Variants in UMPS observed in about 807,000 individuals in gnomAD.
UMPS encodes the protein uridine monophosphate synthetase.
UMPS carries 21 observed loss-of-function variants against 38.9 expected under a neutral mutation model. The observed-to-expected ratio is 0.54, with a 90% CI of 0.38 to 0.78. The LOEUF is 0.78. Among genes scored for constraint, UMPS ranks in the 30% least tolerant of loss-of-function variants. The pLI is 0.00. For synonymous variants in UMPS, 208 were observed against 219.3 expected, an observed-to-expected ratio of 0.95 and a Z score of 0.45; for missense variants, 533 against 591.6, an observed-to-expected ratio of 0.90 and a Z score of 1.03.
At position 124,748,722 on chromosome 3, in the gene UMPS, G is replaced by C. The variant is rs900083389; in HGVS notation, c.*4638G>C. 1 of 442,314 alleles carries C rather than the reference G, an allele frequency of 2.3e-6. No individual in the cohort carries two copies. Among genetic ancestry groups the C allele is most frequent in the South Asian group, 1.6e-5 (1 of 62,278 alleles). The allele number at this position is 442,314 out of a possible 1,614,324, so 27.4% of individuals were successfully genotyped here. A position where few individuals can be genotyped will look rare whatever the true frequency, so the allele number is the denominator to read the frequency against. On this transcript the variant is annotated 3_prime_UTR_variant, in exon 6 of 6. Transcript: ENST00000232607. ...TGTTTTTCAGCGCTGGGGTTGGGGG[G>C]AGCCCAGGAGAGCAGGAAGATCCAG...
Position 124,737,874 on chromosome 3 carries a change from T to A in UMPS, c.617T>A (p.Phe206Tyr). Residue 206 changes from phenylalanine to tyrosine, a missense_variant, in exon 3 of 6, where the codon TTT becomes TAT. Coordinates refer to ENST00000232607, the MANE Select transcript of UMPS (RefSeq NM_000373.4). ...AAGAGGTTTATTCAGGAGAATGTCT[T>A]TGTGGCAGCGAATCATAATGGTTCT... ...RVKRFIQENV[F>Y]VAANHNGSPL... is the part of the protein sequence containing the mutation. The A allele has an allele frequency of 6.2e-7, 1 of 1,614,196 alleles. No individual in the cohort carries two copies. The highest frequency in any genetic ancestry group is 1.1e-5 in the South Asian group (1 of 91,078).
In UMPS at chr3:124,745,077, A is replaced by T. The variant is rs74704429; in HGVS notation, c.*993A>T. On this transcript the variant is annotated 3_prime_UTR_variant, in exon 6 of 6. Transcript: ENST00000232607. ...GCTTCCTGTGACTGACTTCACAATT[A>T]GGAGGTCTAAGATTCCATTTGGGTA... is the stretch of plus-strand genomic sequence containing the variant. 7,737 of 454,146 alleles carry T rather than the reference A, an allele frequency of 0.017. 118 individuals carry two copies. Among genetic ancestry groups the T allele is most frequent in the South Asian group, 0.028 (1,835 of 64,476 alleles). 28.1% of individuals were successfully genotyped at this position (454,146 alleles called of 1,614,324 possible). A position where few individuals can be genotyped will look rare whatever the true frequency, so the allele number is the denominator to read the frequency against.
intron 1 of UMPS, chr3:124,731,505 G>C (rs748175998): frequency 1.4e-4 from 62 of 437,686 alleles, no homozygotes; most frequent in South Asian, 9.9e-4. Flanking sequence ...TTATTTTTTA[G>C]ATGGGATCTC....
In UMPS at chr3:124,748,823, G is replaced by T. The variant is rs73858830; in HGVS notation, c.*4739G>T. On this transcript the variant is annotated 3_prime_UTR_variant, in exon 6 of 6. Coordinates refer to ENST00000232607, the MANE Select transcript of UMPS (RefSeq NM_000373.4). ...GGCCTGAGCTTCCTGTGGCTCCAGA[G>T]TAACATTATAGAGAAGCTGAATTCT... The T allele has an allele frequency of 5.3e-3, 2,150 of 402,932 alleles. 41 individuals are homozygous for T. Among genetic ancestry groups the T allele is most frequent in the African/African-American group, 0.041 (1,979 of 48,592 alleles). The allele number at this position is 402,932 out of a possible 1,614,324, so 25.0% of individuals were successfully genotyped here.
intron 1 of UMPS, chr3:124,732,654 T>C (rs1579125636): frequency 6.5e-6 from 1 of 154,718 alleles, no homozygotes; most frequent in South Asian, 2.0e-4. Flanking sequence ...GCTATCATAT[T>C]GGACTGCAAA....
At position 124,738,118 on chromosome 3, in the gene UMPS, G is replaced by T; in HGVS notation, c.861G>T (p.Leu287Phe). Residue 287 changes from leucine (L) to phenylalanine (F), a missense_variant, in exon 3 of 6, where the codon TTG becomes TTT. Physicochemically the swap from Leu to Phe is conservative, Grantham distance 22. Transcript: ENST00000232607. ...TGCTGAAGACTCATGTAGATATTTT[G>T]AATGATTTTACTCTGGATGTGATGA... ...ICMLKTHVDI[L>F]NDFTLDVMKE... 6.2e-7 allele frequency: 1 copy of T among 1,614,186 alleles called. No individual in the cohort carries two copies. The highest frequency in any genetic ancestry group is 1.1e-5 in the South Asian group (1 of 91,078).
At chr3:124,732,801 A>G (rs553167993) in intron 1 of UMPS, among the ~76,000 whole-genome samples, 14 of 152,338 alleles carry the variant, frequency 9.2e-5, no homozygotes, top group African/African-American at 3.4e-4. Flanking sequence ...AGGTTGGACT[A>G]TTAAGGTTGC....
Position 124,749,089 on chromosome 3 carries a change from G to C in UMPS, c.*5005G>C, listed in dbSNP as rs2063626764. On this transcript the variant is annotated 3_prime_UTR_variant, in exon 6 of 6. Coordinates refer to ENST00000232607, the MANE Select transcript of UMPS (RefSeq NM_000373.4). ...TAGCAGCCCTGCAGGGTGAGACTTG[G>C]GGAGGATCCTGAAATGATTGTATTT... The C allele has an allele frequency of 2.2e-6, 1 of 453,972 alleles. No homozygotes were observed. The highest frequency in any genetic ancestry group is 4.4e-6 in the Non-Finnish European group (1 of 226,798). The allele number at this position is 453,972 out of a possible 1,614,324, so 28.1% of individuals were successfully genotyped here.
chr3:124,745,502 T>A lies in UMPS; in HGVS notation c.*1418T>A, dbSNP rs886057874. The A allele has an allele frequency of 2.2e-6, 1 of 454,088 alleles. No homozygotes were observed. Among genetic ancestry groups the A allele is most frequent in the Non-Finnish European group, 4.4e-6 (1 of 226,780 alleles). 28.1% of individuals were successfully genotyped at this position (454,088 alleles called of 1,614,324 possible). A position where few individuals can be genotyped will look rare whatever the true frequency, so the allele number is the denominator to read the frequency against. On this transcript the variant is annotated 3_prime_UTR_variant, in exon 6 of 6. Transcript: ENST00000232607. The stretch of plus-strand genomic sequence containing the variant: ...CCTCAGCCTCCCGAGTAGCTGGGAC[T>A]ACAAGCCTAGGATTTTTAACTCAGG...
Position 124,730,484 on chromosome 3 carries a change from C to A in UMPS, c.13C>A (p.Arg5Ser), listed in dbSNP as rs1476281560. Residue 5 changes from arginine (R) to serine (S), a missense_variant, in exon 1 of 6, where the codon CGT becomes AGT. Arg to Ser is a moderately radical substitution (Grantham distance 110, BLOSUM62 -1). Coordinates refer to ENST00000232607, the MANE Select transcript of UMPS (RefSeq NM_000373.4). The part of the protein sequence containing the change: MAVA[R>S]AALGPLVTGL... ...GCAGCGCGCGACAATGGCGGTCGCT[C>A]GTGCAGCTTTGGGGCCATTGGTGAC... The A allele has an allele frequency of 6.2e-7, 1 of 1,614,130 alleles. No homozygotes were observed. The highest frequency in any genetic ancestry group is 8.5e-7 in the Non-Finnish European group (1 of 1,179,988).
Position 124,737,874 on chromosome 3 carries a change from TTG to T in UMPS, c.620_621del (p.Val207GlyfsTer5). On this transcript the variant is annotated frameshift_variant, in exon 3 of 6. Transcript: ENST00000232607. LOFTEE classifies it high-confidence loss of function. The stretch of plus-strand genomic sequence containing the variant: ...AAGAGGTTTATTCAGGAGAATGTCT[TTG>T]TGGCAGCGAATCATAATGGTTCTCC... The T allele has an allele frequency of 6.2e-7, 1 of 1,614,196 alleles. No individual in the cohort carries two copies. Among genetic ancestry groups the T allele is most frequent in the Non-Finnish European group, 8.5e-7 (1 of 1,180,030 alleles).
chr3:124,734,648 A>G (rs2150893874), intron 1 of UMPS, among the ~76,000 whole-genome samples: 1 of 152,132 alleles, frequency 6.6e-6, no homozygotes, highest in Non-Finnish European at 1.5e-5. Context: ...TTTTTTCTCC[A>G]ATCAAGTTTG....
intron 3 of UMPS, 132 bp downstream of exon 3, chr3:124,738,371 A>C: frequency 2.8e-5 from 25 of 879,722 alleles, no homozygotes; most frequent in East Asian, 1.6e-4. Flanking sequence ...CCAGGAGCTC[A>C]AGTGATATCT....
rs375446434 is a variant in UMPS at position 124,748,723 on chromosome 3, A to G, written c.*4639A>G. ...GTTTTTCAGCGCTGGGGTTGGGGGG[A>G]GCCCAGGAGAGCAGGAAGATCCAGA... On this transcript the variant is annotated 3_prime_UTR_variant, in exon 6 of 6. Coordinates refer to ENST00000232607, the MANE Select transcript of UMPS (RefSeq NM_000373.4). 1.8e-4 allele frequency: 78 copies of G among 441,578 alleles called. No homozygotes were observed. Among genetic ancestry groups the G allele is most frequent in the East Asian group, 9.8e-4 (14 of 14,348 alleles). The allele number at this position is 441,578 out of a possible 1,614,324, so 27.4% of individuals were successfully genotyped here. A position where few individuals can be genotyped will look rare whatever the true frequency, so the allele number is the denominator to read the frequency against.
In UMPS at chr3:124,744,933, G is replaced by T; in HGVS notation, c.*849G>T. The T allele has an allele frequency of 2.2e-6, 1 of 454,020 alleles. No individual in the cohort carries two copies. The highest frequency in any genetic ancestry group is 4.4e-6 in the Non-Finnish European group (1 of 226,762). The allele number at this position is 454,020 out of a possible 1,614,324, so 28.1% of individuals were successfully genotyped here. A position where few individuals can be genotyped will look rare whatever the true frequency, so the allele number is the denominator to read the frequency against. On this transcript the variant is annotated 3_prime_UTR_variant, in exon 6 of 6. Coordinates refer to ENST00000232607, the MANE Select transcript of UMPS (RefSeq NM_000373.4). ...AGAGGGGAAGGTGGGGAAGGGGAAG[G>T]TGACTATAGCTCAGCTCCTGAGCTA... is the stretch of plus-strand genomic sequence containing the variant.
At position 124,744,144 on chromosome 3, in the gene UMPS, G is replaced by T. The variant is rs1333298158; in HGVS notation, c.*60G>T. The T allele has an allele frequency of 6.3e-7, 1 of 1,591,462 alleles. No individual in the cohort carries two copies. Among genetic ancestry groups the T allele is most frequent in the Admixed American group, 1.7e-5 (1 of 59,766 alleles). The stretch of plus-strand genomic sequence containing the variant: ...GACATTGAAGATATGTGGTCCTCCT[G>T]AAAGTCACTGGCTGGAAATAATCCA... On this transcript the variant is annotated 3_prime_UTR_variant, in exon 6 of 6. Coordinates refer to ENST00000232607, the MANE Select transcript of UMPS (RefSeq NM_000373.4).
In UMPS at chr3:124,748,240, C is replaced by G. The variant is rs1301182646; in HGVS notation, c.*4156C>G. On this transcript the variant is annotated 3_prime_UTR_variant, in exon 6 of 6. Coordinates refer to ENST00000232607, the MANE Select transcript of UMPS (RefSeq NM_000373.4). ...CCACTGCTCCCGGCCTGTTGGAGTT[C>G]TTTACATTTATTTTATAATCAATGC... 1 of 453,790 alleles carries G rather than the reference C, an allele frequency of 2.2e-6. No homozygotes were observed. Among genetic ancestry groups the G allele is most frequent in the East Asian group, 7.0e-5 (1 of 14,386 alleles). 28.1% of individuals were successfully genotyped at this position (453,790 alleles called of 1,614,324 possible).
At position 124,737,514 on chromosome 3, in the gene UMPS, G is replaced by A. The variant is rs990301521; in HGVS notation, c.311-54G>A. ...ATACAGAGTGTGTGTACGTATATAC[G>A]CACATATACATACATATTTAAATTT... On this transcript the variant is annotated intron_variant, in intron 2 of 5. Transcript: ENST00000232607. 17 of 1,535,552 alleles carry A rather than the reference G, an allele frequency of 1.1e-5. No homozygotes were observed. The Admixed American group carries it at 1.2e-4, about 11-fold the overall frequency.
At chr3:124,730,851 G>C (rs928421295) in intron 1 of UMPS, among the ~76,000 whole-genome samples, 1 of 152,124 alleles carries the variant, frequency 6.6e-6, no homozygotes, top group East Asian at 1.9e-4. Flanking sequence ...CACGTGTTTT[G>C]CAAAAGTCGG....
Sources: gnomAD v4.1 joint callset for allele counts (sites outside exome capture counted in the v4.1 genomes callset) on GRCh38, gnomAD v4.1.1 for gene constraint, MANE v1.5 for transcripts, NCBI Gene and HGNC (gene_info 2026-07-23, HGNC 2026-07-21) for gene names.